Variants in ASB2 observed in about 807,000 individuals in gnomAD.
The protein encoded by ASB2 is ankyrin repeat and SOCS box containing 2.
In ASB2, 58 loss-of-function variants were observed where a neutral mutation model predicts 62.4. The observed-to-expected ratio is 0.93, with a 90% CI of 0.75 to 1.16. The LOEUF is 1.16. Among genes scored for constraint, ASB2 ranks in the 50% most tolerant of loss-of-function variants. The pLI is 0.00. For synonymous variants in ASB2, 386 were observed against 385.3 expected, an observed-to-expected ratio of 1.00 and a Z score of -0.02; for missense variants, 928 against 887.9, an observed-to-expected ratio of 1.05 and a Z score of -0.57.
chr14:93,975,559 C>T (rs758390627), intron 1 of ASB2, among the ~76,000 whole-genome samples: 10 of 152,202 alleles, frequency 6.6e-5, no homozygotes, highest in Non-Finnish European at 1.3e-4. Context: ...ATGTGCATGC[C>T]GTCCTCTGCT....
chr14:93,944,679 T>C (rs1414308136), intron 7 of ASB2, among the ~76,000 whole-genome samples: 1 of 152,184 alleles, frequency 6.6e-6, no homozygotes, highest in Non-Finnish European at 1.5e-5. Context: ...CCCTAAAAAG[T>C]GGCCCAGGCC....
intron 1 of ASB2, among the ~76,000 whole-genome samples, chr14:93,975,486 C>G (rs141323360): frequency 1.7e-4 from 26 of 152,332 alleles, no homozygotes; most frequent in African/African-American, 6.0e-4. Flanking sequence ...TGTGAACACA[C>G]GGGTGGGAGT....
chr14:93,950,835 C>G (rs943439754), intron 6 of ASB2, among the ~76,000 whole-genome samples, 164 bp downstream of exon 6: 1 of 152,180 alleles, frequency 6.6e-6, no homozygotes, highest in Non-Finnish European at 1.5e-5. Flanking sequence ...AGCCTGGACA[C>G]AGCCTCAGCA....
chr14:93,960,445 C>A (rs1381697198), intron 2 of ASB2, among the ~76,000 whole-genome samples: 1 of 152,228 alleles, frequency 6.6e-6, no homozygotes, highest in East Asian at 1.9e-4. Flanking sequence ...ACACAACAGC[C>A]TCAGCCAGTT....
chr14:93,947,995 G>GAAAAAAAAA (rs55666799), intron 6 of ASB2, among the ~76,000 whole-genome samples: 1 of 72,472 alleles, frequency 1.4e-5, no homozygotes, highest in Non-Finnish European at 2.4e-5. Flanking sequence ...ACTCCGCCTG[G>GAAAAAAAAA]AAAAAAAAAA....
Position 93,956,793 on chromosome 14 carries a change from C to T in ASB2, c.284G>A (p.Ser95Asn), listed in dbSNP as rs761466194. The change falls in exon 3 of 10, where the codon AGC becomes AAC. Residue 95 changes from serine to asparagine, a missense_variant. By Grantham distance (46) the Ser-to-Asn change is conservative. Transcript: ENST00000555019. ...CAGCTGGGAGGTCTTGAACAAGCTGCTGCTGTATTTCTGCATGACCCCTTG... is the reference window on the plus strand; with the variant it reads ...CAGCTGGGAGGTCTTGAACAAGCTGTTGCTGTATTTCTGCATGACCCCTTG... ...LFQGVMQKYS[S>N]SLFKTSQLAP... 3.7e-6 allele frequency: 6 copies of T among 1,614,228 alleles called. No individual in the cohort carries two copies. In the South Asian group the frequency reaches 6.6e-5, roughly 18 times the overall value.
At chr14:93,960,855 T>C (rs533811101) in intron 2 of ASB2, among the ~76,000 whole-genome samples, 2 of 152,322 alleles carry the variant, frequency 1.3e-5, no homozygotes, top group African/African-American at 4.8e-5. Flanking sequence ...ATCAATTGCA[T>C]TGCTAGAGCT....
At chr14:93,953,082 G>T (rs562400028) in intron 5 of ASB2, among the ~76,000 whole-genome samples, 28 of 152,316 alleles carry the variant, frequency 1.8e-4, no homozygotes, top group African/African-American at 6.0e-4. Flanking sequence ...CTCTCTGTGT[G>T]TGGGTGCCTA....
Position 93,939,564 on chromosome 14 carries a change from C to A in ASB2, c.1161G>T (p.Ala387=), listed in dbSNP as rs548812381. 3.8e-6 allele frequency: 6 copies of A among 1,592,256 alleles called. No individual in the cohort carries two copies. The highest frequency in any genetic ancestry group is 3.4e-6 in the Non-Finnish European group (4 of 1,172,376). Residue 387 remains alanine, a synonymous_variant, in exon 8 of 10, where the codon GCG becomes GCT. Coordinates refer to ENST00000555019, the MANE Select transcript of ASB2 (RefSeq NM_001202429.2). The part of the protein sequence containing the change: ...AERNHDEVLE[A]LLSARFDVNT... ...TCACGTCGAAGCGCGCGCTCAGCAG[C>A]GCCTCCAGCACCTCGTCGTGGTTGC...
chr14:93,965,677 G>T (rs1182158384), intron 1 of ASB2, among the ~76,000 whole-genome samples: 3 of 152,082 alleles, frequency 2.0e-5, no homozygotes, highest in South Asian at 2.1e-4. Context: ...AAAATACCCC[G>T]AATACCAGTG....
At chr14:93,973,776 C>T (rs1183303294) in intron 1 of ASB2, among the ~76,000 whole-genome samples, 1 of 152,240 alleles carries the variant, frequency 6.6e-6, no homozygotes, top group Non-Finnish European at 1.5e-5. Flanking sequence ...ATATTCTGCC[C>T]AGGCACTACC....
At chr14:93,952,813 A>T (rs1334638721) in intron 5 of ASB2, among the ~76,000 whole-genome samples, 1 of 152,262 alleles carries the variant, frequency 6.6e-6, no homozygotes, top group African/African-American at 2.4e-5. Context: ...TATTGTGATT[A>T]TTTAGACTTT....
chr14:93,937,834 A>G lies in ASB2; in HGVS notation c.1635T>C (p.Ser545=), dbSNP rs955849861. 2 of 1,599,486 alleles carry G rather than the reference A, an allele frequency of 1.3e-6. No individual in the cohort carries two copies. Among genetic ancestry groups the G allele is most frequent in the African/African-American group, 1.3e-5 (1 of 74,842 alleles). Residue 545 remains serine, a synonymous_variant, in exon 9 of 10, where the codon TCT becomes TCC. Coordinates refer to ENST00000555019, the MANE Select transcript of ASB2 (RefSeq NM_001202429.2). ...PSVVQFCEFV[S]APEVSRWAGP... Reference sequence around the variant, plus strand: ...CCGCCCAGCGGCTCACCTCTGGGGCAGATACGAACTCACAGAACTGAAAGA... The same window carrying G: ...CCGCCCAGCGGCTCACCTCTGGGGCGGATACGAACTCACAGAACTGAAAGA...
At chr14:93,935,533 T>C (rs951363312) in intron 9 of ASB2, among the ~76,000 whole-genome samples, 4 of 152,146 alleles carry the variant, frequency 2.6e-5, no homozygotes, top group Non-Finnish European at 5.9e-5. Context: ...GAGGCTCTAG[T>C]GGAGGCTTCC....
At chr14:93,942,810 A>G (rs986694090) in intron 7 of ASB2, among the ~76,000 whole-genome samples, 1 of 152,078 alleles carries the variant, frequency 6.6e-6, no homozygotes, top group Non-Finnish European at 1.5e-5. Flanking sequence ...ACCTCTCTGA[A>G]CCGCACCTAA....
rs1397987654 is a variant in ASB2, at chr14:93,939,406, T to A, written c.1319A>T (p.Asp440Val). Residue 440 changes from aspartate to valine, a missense_variant, in exon 8 of 10, where the codon GAC becomes GTC. Physicochemically the swap from Asp to Val is radical, Grantham distance 152. Transcript: ENST00000555019. ...LLQHGADPNR[D>V]VISPLLVAIR... is the part of the protein sequence containing the mutation. Reference sequence around the variant, plus strand: ...GGCCACGAGCAAGGGGCTGATGACGTCGCGGTTGGGGTCGGCGCCGTGTTG... The same window carrying A: ...GGCCACGAGCAAGGGGCTGATGACGACGCGGTTGGGGTCGGCGCCGTGTTG... The A allele has an allele frequency of 6.2e-7, 1 of 1,612,858 alleles. No homozygotes were observed. The highest frequency in any genetic ancestry group is 2.2e-5 in the East Asian group (1 of 44,856).
Position 93,956,883 on chromosome 14 carries a change from G to C in ASB2, c.207-13C>G. ...AGGTGCAGTGGACCTGGAGGGTGCA[G>C]AGCAGGAGTGAAAGAGGGAAAAGTA... On this transcript the variant is annotated splice_polypyrimidine_tract_variant and intron_variant, in intron 2 of 9. Coordinates refer to ENST00000555019, the MANE Select transcript of ASB2 (RefSeq NM_001202429.2). 2 of 1,614,128 alleles carry C rather than the reference G, an allele frequency of 1.2e-6. No homozygotes were observed. The highest frequency in any genetic ancestry group is 1.7e-6 in the Non-Finnish European group (2 of 1,179,984).
chr14:93,972,961 GCGT>G (rs1300847276), intron 1 of ASB2, among the ~76,000 whole-genome samples: 1 of 152,234 alleles, frequency 6.6e-6, no homozygotes, highest in East Asian at 1.9e-4. Context: ...ACCACCGGCT[GCGT>G]CATCTCAGAC....
chr14:93,969,907 C>T (rs1889710666), intron 1 of ASB2: 1 of 152,292 alleles, frequency 6.6e-6, no homozygotes, highest in Non-Finnish European at 1.5e-5. Context: ...GGCAAATCCA[C>T]TCAGAGCAGT....
Sources: gnomAD v4.1 joint callset for allele counts (sites outside exome capture counted in the v4.1 genomes callset) on GRCh38, gnomAD v4.1.1 for gene constraint, MANE v1.5 for transcripts, NCBI Gene and HGNC (gene_info 2026-07-23, HGNC 2026-07-21) for gene names.